TMBIM4: variants seen among roughly 807,000 people sequenced by gnomAD.
TMBIM4 encodes transmembrane BAX inhibitor motif containing 4.
Under a neutral mutation model 27.7 loss-of-function variants are expected in TMBIM4, and 28 were observed. The ratio of observed to expected loss-of-function variants is 1.01; its 90% CI spans 0.75 to 1.38. TMBIM4 has a LOEUF of 1.38. TMBIM4 is among the 40% of genes most tolerant of loss of function. The pLI is 0.00. For missense variants in TMBIM4, 265 were observed against 277.5 expected (o/e 0.95, Z 0.32); for synonymous variants, 115 against 113.1 (o/e 1.02, Z -0.11).
At chr12:66,157,928 G>A (rs2051963439) in intron 1 of TMBIM4, among the ~76,000 whole-genome samples, 1 of 152,130 alleles carries the variant, frequency 6.6e-6, no homozygotes, top group Non-Finnish European at 1.5e-5. Flanking sequence ...GCTAAAGGAA[G>A]AAATGTCAAA....
chr12:66,140,490 A>AT (rs1660608099), intron 5 of TMBIM4, among the ~76,000 whole-genome samples: 1 of 152,212 alleles, frequency 6.6e-6, no homozygotes, highest in Admixed American at 6.5e-5. Flanking sequence ...AACAAAAAAA[A>AT]CAGAACAGTG....
At chr12:66,147,978 T>G (rs1362416794) in intron 3 of TMBIM4, 37 bp from the exon 4 acceptor site, 22 of 1,573,408 alleles carry the variant, frequency 1.4e-5, no homozygotes, top group Non-Finnish European at 1.7e-5. Flanking sequence ...ACTGTAAAAT[T>G]TATACTATCT....
intron 1 of TMBIM4, among the ~76,000 whole-genome samples, chr12:66,162,809 CTTTAT>C (rs1003072873): frequency 4.5e-4 from 69 of 152,260 alleles, no homozygotes; most frequent in African/African-American, 1.6e-3. Flanking sequence ...AGCTTTGTCT[CTTTAT>C]TTTGTTTTCA....
At chr12:66,160,113 G>T in intron 1 of TMBIM4, 1 of 684,210 alleles carries the variant, frequency 1.5e-6, no homozygotes, top group Non-Finnish European at 2.7e-6. Flanking sequence ...TGGCAGAGTT[G>T]AGGAGCTGCA....
chr12:66,166,099 G>A (rs1170344080), intron 1 of TMBIM4, among the ~76,000 whole-genome samples: 1 of 152,156 alleles, frequency 6.6e-6, no homozygotes, highest in Non-Finnish European at 1.5e-5. Flanking sequence ...TTTAAGGTAA[G>A]CATCTAATTT....
intron 1 of TMBIM4, among the ~76,000 whole-genome samples, chr12:66,168,323 T>G (rs1351306385): frequency 6.6e-6 from 1 of 151,684 alleles, no homozygotes; most frequent in Non-Finnish European, 1.5e-5. Context: ...CAAATACTGA[T>G]TGTATCTAGA....
chr12:66,144,073 G>C (rs1200363792), intron 5 of TMBIM4, among the ~76,000 whole-genome samples: 1 of 152,016 alleles, frequency 6.6e-6, no homozygotes, highest in Non-Finnish European at 1.5e-5. Context: ...GAAGTGTTAG[G>C]GTTTTAAATA....
intron 1 of TMBIM4, among the ~76,000 whole-genome samples, chr12:66,168,344 T>A (rs948778066): frequency 7.9e-5 from 12 of 151,994 alleles, no homozygotes; most frequent in African/African-American, 2.9e-4. Flanking sequence ...GTAGCCAAAT[T>A]CACAGAGAGA....
chr12:66,154,877 C>G (rs2051906366), intron 1 of TMBIM4, among the ~76,000 whole-genome samples: 1 of 152,186 alleles, frequency 6.6e-6, no homozygotes, highest in Non-Finnish European at 1.5e-5. Context: ...CTCTGGCACT[C>G]TTTCCAAAAT....
rs2051586780 is a variant in TMBIM4 at position 66,136,930 on chromosome 12, A to G, written c.*1030T>C. 1 of 152,206 alleles carries G rather than the reference A, an allele frequency of 6.6e-6. No homozygotes were observed. The allele number at this position is 152,206 out of a possible 1,614,324, so 9.4% of individuals were successfully genotyped here. A position where few individuals can be genotyped will look rare whatever the true frequency, so the allele number is the denominator to read the frequency against. ...TGTGGACCAACACAAATGAAACCAT[A>G]AGACAATACTTCCCAAATATTTTAA... On this transcript the variant is annotated 3_prime_UTR_variant, in exon 7 of 7. Coordinates refer to ENST00000358230, the MANE Select transcript of TMBIM4 (RefSeq NM_016056.4).
intron 1 of TMBIM4, chr12:66,160,256 A>G (rs1332032415): frequency 2.8e-6 from 2 of 703,206 alleles, no homozygotes; most frequent in East Asian, 5.4e-5. Flanking sequence ...CTGAGGGTGC[A>G]GAAGGTATCC....
intron 1 of TMBIM4, among the ~76,000 whole-genome samples, chr12:66,158,981 A>G (rs796872099): frequency 1.1e-4 from 17 of 152,312 alleles, no homozygotes; most frequent in African/African-American, 3.8e-4. Flanking sequence ...GTTGATTTAG[A>G]TGATGAGATT....
chr12:66,144,896 T>C (rs2051726488), intron 5 of TMBIM4: 1 of 152,098 alleles, frequency 6.6e-6, no homozygotes, highest in African/African-American at 2.4e-5. Context: ...GGCTGAAATA[T>C]AAGGCAAGTT....
chr12:66,139,846 C>A, intron 5 of TMBIM4: 1 of 447,128 alleles, frequency 2.2e-6, no homozygotes. Context: ...GAATAGTTTG[C>A]ATTCACACAA....
At chr12:66,158,159 G>C (rs2136874555) in intron 1 of TMBIM4, among the ~76,000 whole-genome samples, 1 of 149,420 alleles carries the variant, frequency 6.7e-6, no homozygotes, top group South Asian at 2.1e-4. Context: ...CCGGGAGGCG[G>C]AGCTTGCAGT....
chr12:66,147,980 A>G, intron 3 of TMBIM4, 39 bp from the exon 4 acceptor site: 1 of 1,561,674 alleles, frequency 6.4e-7, no homozygotes, highest in Non-Finnish European at 8.8e-7. Context: ...TGTAAAATTT[A>G]TACTATCTCA....
Position 66,145,963 on chromosome 12 carries a change from A to T in TMBIM4, c.347-5T>A, listed in dbSNP as rs191691962. On this transcript the variant is annotated splice_region_variant and splice_polypyrimidine_tract_variant and intron_variant, in intron 4 of 6. Transcript: ENST00000358230. ...TATATACATCATAGAAAGTAACTGT[A>T]AAATTAAAACACTGATTAACATGCA... 2 of 1,462,298 alleles carry T rather than the reference A, an allele frequency of 1.4e-6. No individual in the cohort carries two copies. Among genetic ancestry groups the T allele is most frequent in the Non-Finnish European group, 1.9e-6 (2 of 1,055,196 alleles). The allele number at this position is 1,462,298 out of a possible 1,614,324, so 90.6% of individuals were successfully genotyped here.
intron 1 of TMBIM4, chr12:66,169,533 C>G (rs1162138125): frequency 2.1e-6 from 1 of 480,814 alleles, no homozygotes; most frequent in East Asian, 3.5e-5. Context: ...CTTCAAGATG[C>G]CAAATTCAGG....
At chr12:66,169,598 G>C (rs781636909) in intron 1 of TMBIM4, 4 of 453,018 alleles carry the variant, frequency 8.8e-6, no homozygotes, top group Non-Finnish European at 1.6e-5. Flanking sequence ...TGGGGAGCCG[G>C]GGCGCACACA....
Sources: allele counts gnomAD v4.1 joint callset (sites outside exome capture counted in the v4.1 genomes callset), GRCh38; gene constraint gnomAD v4.1.1; transcripts MANE v1.5; gene names NCBI Gene and HGNC (gene_info 2026-07-23, HGNC 2026-07-21).